The following CMSS1 variants were observed in gnomAD, a reference collection of about 807,000 sequenced individuals.
CMSS1 encodes protein CMSS1.
Under a neutral mutation model 43.5 loss-of-function variants are expected in CMSS1, and 33 were observed. The observed-to-expected ratio is 0.76, with a 90% CI of 0.57 to 1.01. The LOEUF (loss-of-function observed/expected upper bound fraction) is 1.01, where lower values mean the gene tolerates loss of function less well. CMSS1 is among the 50% of genes least tolerant of loss of function. CMSS1 has a pLI of 0.00. For missense variants in CMSS1, 313 were observed against 326.4 expected, an observed-to-expected ratio of 0.96 and a Z score of 0.32; for synonymous variants, 115 against 117.2, an observed-to-expected ratio of 0.98 and a Z score of 0.12.
At chr3:100,019,375 T>C (rs34996634) in intron 1 of CMSS1, among the ~76,000 whole-genome samples, 1 of 151,792 alleles carries the variant, frequency 6.6e-6, no homozygotes, top group Non-Finnish European at 1.5e-5. Context: ...AAAATATGAA[T>C]TGACAGGAGA....
chr3:100,005,718 TAGC>T (rs1184033018), intron 1 of CMSS1, among the ~76,000 whole-genome samples: 1 of 152,222 alleles, frequency 6.6e-6, no homozygotes, highest in East Asian at 1.9e-4. Context: ...CAGAAAATGT[TAGC>T]AGTCATAATA....
intron 1 of CMSS1, chr3:100,109,912 C>A (rs567090151): frequency 6.4e-5 from 8 of 124,532 alleles, no homozygotes; most frequent in Admixed American, 2.4e-4. Context: ...GACCCCCCCC[C>A]CCCAGCACCA....
At chr3:99,900,687 CTT>C (rs1467359695) in intron 1 of CMSS1, among the ~76,000 whole-genome samples, 1 of 152,242 alleles carries the variant, frequency 6.6e-6, no homozygotes, top group Non-Finnish European at 1.5e-5. Context: ...AATCTTCCCT[CTT>C]TCTTCTTTTC....
chr3:99,820,797 T>C (rs1413644102), intron 1 of CMSS1, among the ~76,000 whole-genome samples: 1 of 152,232 alleles, frequency 6.6e-6, no homozygotes, highest in Admixed American at 6.5e-5. Flanking sequence ...GTCAAATGTA[T>C]TCAATTGTTG....
At chr3:99,993,124 G>A (rs1322840949) in intron 1 of CMSS1, among the ~76,000 whole-genome samples, 1 of 151,952 alleles carries the variant, frequency 6.6e-6, no homozygotes, top group African/African-American at 2.4e-5. Flanking sequence ...TTTTGCTTAG[G>A]ATTTCTTTGG....
At chr3:100,073,139 C>G (rs1054683979) in intron 1 of CMSS1, among the ~76,000 whole-genome samples, 4 of 152,168 alleles carry the variant, frequency 2.6e-5, no homozygotes, top group Admixed American at 6.5e-5. Flanking sequence ...TATTATAGAA[C>G]AGGGGAGAAC....
chr3:100,009,577 T>G (rs1342238012), intron 1 of CMSS1, among the ~76,000 whole-genome samples: 1 of 152,218 alleles, frequency 6.6e-6, no homozygotes, highest in East Asian at 1.9e-4. Flanking sequence ...TTCCCCAGGT[T>G]GTTAATCTGG....
intron 1 of CMSS1, among the ~76,000 whole-genome samples, chr3:99,934,037 A>G (rs1165321889): frequency 6.6e-6 from 1 of 152,216 alleles, no homozygotes; most frequent in Non-Finnish European, 1.5e-5. Flanking sequence ...TAGTTGGACT[A>G]GGAGAGCCTC....
intron 1 of CMSS1, among the ~76,000 whole-genome samples, chr3:100,140,540 T>TG (rs966867438): frequency 1.6e-4 from 25 of 152,146 alleles, no homozygotes; most frequent in African/African-American, 6.0e-4. Context: ...TTTTTAGAAA[T>TG]GGGGTCTCAC....
chr3:99,825,974 C>T (rs1400476590), intron 1 of CMSS1, among the ~76,000 whole-genome samples: 1 of 151,780 alleles, frequency 6.6e-6, no homozygotes, highest in African/African-American at 2.4e-5. Context: ...AGGGGGGTTT[C>T]ACCACGTTAG....
intron 1 of CMSS1, chr3:99,925,774 A>T (rs994355033): frequency 2.4e-6 from 2 of 841,056 alleles, no homozygotes; most frequent in East Asian, 1.2e-4. Context: ...AGGTGACCTC[A>T]TAAAGGAAGA....
intron 3 of CMSS1, 92 bp from the exon 4 acceptor site, chr3:100,162,211 T>C: frequency 3.7e-6 from 4 of 1,069,842 alleles, no homozygotes; most frequent in Non-Finnish European, 5.4e-6. Flanking sequence ...CCAAAAGCTA[T>C]GTGCCGTTTA....
intron 1 of CMSS1, chr3:100,115,119 C>G (rs923791016): frequency 1.5e-6 from 1 of 674,230 alleles, no homozygotes; most frequent in Non-Finnish European, 2.6e-6. Flanking sequence ...ATCACTTGTT[C>G]AGATTGAGGG....
At chr3:99,918,254 G>T (rs1375504469) in intron 1 of CMSS1, among the ~76,000 whole-genome samples, 2 of 152,114 alleles carry the variant, frequency 1.3e-5, no homozygotes, top group East Asian at 3.9e-4. Flanking sequence ...AGGATTACAG[G>T]TGTGAGCCAC....
At chr3:100,045,185 C>T (rs1458682378) in intron 1 of CMSS1, among the ~76,000 whole-genome samples, 4 of 152,206 alleles carry the variant, frequency 2.6e-5, no homozygotes, top group African/African-American at 9.6e-5. Context: ...TATGACCTCT[C>T]GAAGCCTTAG....
At chr3:100,177,295 C>G (rs1341505700) in intron 9 of CMSS1, among the ~76,000 whole-genome samples, 1 of 152,204 alleles carries the variant, frequency 6.6e-6, no homozygotes, top group Non-Finnish European at 1.5e-5. Flanking sequence ...CATGCACACA[C>G]ACATACACAG....
At chr3:99,971,419 G>A (rs1708818995) in intron 1 of CMSS1, among the ~76,000 whole-genome samples, 1 of 152,062 alleles carries the variant, frequency 6.6e-6, no homozygotes, top group Admixed American at 6.5e-5. Context: ...TGAAAGGAGA[G>A]ATGAGGAGTC....
chr3:100,171,495 C>A (rs2067109869), intron 6 of CMSS1, among the ~76,000 whole-genome samples: 1 of 152,040 alleles, frequency 6.6e-6, no homozygotes, highest in Non-Finnish European at 1.5e-5. Flanking sequence ...AACTGCACTG[C>A]ATAGTTGGAA....
Position 100,181,554 on chromosome 3 carries a change from AGTT to A in CMSS1, c.*3172_*3174del, listed in dbSNP as rs933486870. The A allele has an allele frequency of 6.6e-6, 1 of 152,264 alleles. No homozygotes were observed. The highest frequency in any genetic ancestry group is 2.1e-4 in the South Asian group (1 of 4,828). 9.4% of individuals were successfully genotyped at this position (152,264 alleles called of 1,614,324 possible). ...GCAGGATCCCACATTGCACTTACTT[AGTT>A]GTTGTATCTTTTTGGTTTCTTCAGA... On this transcript the variant is annotated 3_prime_UTR_variant, in exon 10 of 10. Transcript: ENST00000421999.
Sources: allele counts gnomAD v4.1 joint callset (sites outside exome capture counted in the v4.1 genomes callset), GRCh38; gene constraint gnomAD v4.1.1; transcripts MANE v1.5; gene names NCBI Gene and HGNC (gene_info 2026-07-23, HGNC 2026-07-21).